CNTNAP2: variants seen among roughly 807,000 people sequenced by gnomAD.
CNTNAP2 encodes contactin associated protein 2.
CNTNAP2 carries 98 observed loss-of-function variants against 155.2 expected under a neutral mutation model. That is an observed-to-expected ratio of 0.63 (90% CI 0.54 to 0.75). CNTNAP2 has a LOEUF of 0.75. CNTNAP2 is among the 30% of genes least tolerant of loss of function. CNTNAP2 has a pLI of 0.00. For synonymous variants in CNTNAP2, 651 were observed against 631.2 expected (o/e 1.03, Z -0.47); for missense variants, 1,727 against 1,688.1 (o/e 1.02, Z -0.40).
intron 1 of CNTNAP2, among the ~76,000 whole-genome samples, chr7:146,666,651 C>G (rs1800200406): frequency 6.6e-6 from 1 of 152,192 alleles, no homozygotes; most frequent in African/African-American, 2.4e-5. Flanking sequence ...CACATCCTTT[C>G]AAGCATTGGT....
At chr7:148,031,041 A>T (rs10952726) in intron 15 of CNTNAP2, among the ~76,000 whole-genome samples, 49,730 of 152,070 alleles carry the variant, frequency 0.33, 9,676 homozygotes, top group East Asian at 0.77. Context: ...AAAGACTGGA[A>T]AGTTTTCAAG....
At position 146,437,515 on chromosome 7, in the gene CNTNAP2, A is replaced by G. The variant is rs537671652; in HGVS notation, c.97+320542A>G. On this transcript the variant is annotated intron_variant, in intron 1 of 23. Transcript: ENST00000361727. ...GCATCTATTTACCATTCTCCCTCGC[A>G]TTCATACAAAAATATTATGGTTGAA... Among the ~76,000 whole-genome samples the G allele has an allele frequency of 2.6e-5, 4 of 151,616 alleles. No individual in the cohort carries two copies. In the South Asian group the frequency reaches 8.3e-4, roughly 31 times the overall value.
At position 146,138,574 on chromosome 7, in the gene CNTNAP2, C is replaced by T. The variant is rs193135306; in HGVS notation, c.97+21601C>T. 1.3e-3 allele frequency among the ~76,000 whole-genome samples: 201 copies of T among 152,134 alleles called. 1 individual carries two copies. The highest frequency in any genetic ancestry group is 1.9e-3 in the Non-Finnish European group (130 of 67,984). ...ATGGGTAAGAAATATAACCTTTGGA[C>T]GTGTAGACCTTGTAGTCCATTTCAG... On this transcript the variant is annotated intron_variant, in intron 1 of 23. Coordinates refer to ENST00000361727, the MANE Select transcript of CNTNAP2 (RefSeq NM_014141.6).
chr7:147,288,621 G>C (rs988642718), intron 8 of CNTNAP2, among the ~76,000 whole-genome samples: 1 of 152,180 alleles, frequency 6.6e-6, no homozygotes, highest in South Asian at 2.1e-4. Flanking sequence ...TCAAAGTAAC[G>C]AGAGTAGTTT....
chr7:147,548,558 C>T (rs563587340), intron 11 of CNTNAP2, among the ~76,000 whole-genome samples: 10 of 152,126 alleles, frequency 6.6e-5, no homozygotes, highest in South Asian at 2.1e-4. Flanking sequence ...CTGTAGGTTG[C>T]CTGTTCACTC....
intron 5 of CNTNAP2, among the ~76,000 whole-genome samples, chr7:147,112,635 T>C (rs1196537198): frequency 6.6e-6 from 1 of 152,134 alleles, no homozygotes; most frequent in African/African-American, 2.4e-5. Flanking sequence ...AATCATGTGG[T>C]TTTTGTCTTT....
rs191808114 is a variant in CNTNAP2 at position 146,897,941 on chromosome 7, A to T, written c.402+58037A>T. On this transcript the variant is annotated intron_variant, in intron 3 of 23. Transcript: ENST00000361727. ...TTTTAATTAAGGAATGTTTATATAT[A>T]TTTTTAATATCTAAAAACAATTCAG... is the stretch of plus-strand genomic sequence containing the variant. Among the ~76,000 whole-genome samples, 625 of 149,108 alleles carry T rather than the reference A, an allele frequency of 4.2e-3. 9 individuals are homozygous for T. Among genetic ancestry groups the T allele is most frequent in the African/African-American group, 0.015 (567 of 38,640 alleles).
rs370322970 is a variant in CNTNAP2 at position 146,665,377 on chromosome 7, A to C, written c.98-108894A>C. On this transcript the variant is annotated intron_variant, in intron 1 of 23. Transcript: ENST00000361727. ...TTTCACTTATTTTCTCTATTATTTT[A>C]ATCTGTTTTCAAGTTATAATTTCCC... Among the ~76,000 whole-genome samples, 347 of 152,288 alleles carry C rather than the reference A, an allele frequency of 2.3e-3. 3 individuals are homozygous for C. The highest frequency in any genetic ancestry group is 8.2e-3 in the African/African-American group (342 of 41,558).
chr7:146,959,464 A>C (rs1440726177), intron 3 of CNTNAP2, among the ~76,000 whole-genome samples: 1 of 152,050 alleles, frequency 6.6e-6, no homozygotes, highest in Non-Finnish European at 1.5e-5. Context: ...TCACATCTGT[A>C]ATCCCAGCAC....
intron 21 of CNTNAP2, among the ~76,000 whole-genome samples, chr7:148,331,738 T>A (rs1563046001): frequency 4.0e-5 from 6 of 150,684 alleles, no homozygotes; most frequent in African/African-American, 5.0e-5. Flanking sequence ...ATGGATGGAG[T>A]GGATGGATGG....
chr7:147,505,920 C>G (rs553451993), intron 11 of CNTNAP2, among the ~76,000 whole-genome samples: 2 of 151,818 alleles, frequency 1.3e-5, no homozygotes, highest in Non-Finnish European at 2.9e-5. Context: ...GATCTTGTAA[C>G]GAGAATGTGT....
rs374920045 is a variant in CNTNAP2, at chr7:147,645,343, C to T, written c.2098+6037C>T. ...AAGCTGCAGCATTTAACTCTTAAGA[C>T]GACATGGATAAATCAATTCCAATAA... is the stretch of plus-strand genomic sequence containing the variant. On this transcript the variant is annotated intron_variant, in intron 13 of 23. Coordinates refer to ENST00000361727, the MANE Select transcript of CNTNAP2 (RefSeq NM_014141.6). 1.1e-4 allele frequency among the ~76,000 whole-genome samples: 17 copies of T among 152,122 alleles called. 1 individual carries two copies. In the Middle Eastern group the frequency reaches 0.01, roughly 91 times the overall value.
At chr7:146,399,521 G>A (rs1347095568) in intron 1 of CNTNAP2, among the ~76,000 whole-genome samples, 3 of 152,134 alleles carry the variant, frequency 2.0e-5, no homozygotes, top group Non-Finnish European at 4.4e-5. Flanking sequence ...TTTTAAGTCT[G>A]AAGATTATTC....
intron 19 of CNTNAP2, among the ~76,000 whole-genome samples, chr7:148,220,999 C>T (rs1795739527): frequency 6.6e-6 from 1 of 152,268 alleles, no homozygotes; most frequent in East Asian, 1.9e-4. Flanking sequence ...CATTCCCACA[C>T]ATACTTTTAT....
Position 146,920,678 on chromosome 7 carries a change from G to A in CNTNAP2, c.402+80774G>A, listed in dbSNP as rs537035216. 5.9e-5 allele frequency among the ~76,000 whole-genome samples: 9 copies of A among 152,172 alleles called. No individual in the cohort carries two copies. In the East Asian group the frequency reaches 1.5e-3, roughly 26 times the overall value. ...TTAAAAATTGTAATAAAAATAAAAAGTATAGTTCTATACTTAAATTTTTTC... is the reference window on the plus strand; with the variant it reads ...TTAAAAATTGTAATAAAAATAAAAAATATAGTTCTATACTTAAATTTTTTC... On this transcript the variant is annotated intron_variant, in intron 3 of 23. Transcript: ENST00000361727.
intron 20 of CNTNAP2, among the ~76,000 whole-genome samples, chr7:148,240,661 A>G (rs1252194876): frequency 6.6e-6 from 1 of 152,174 alleles, no homozygotes; most frequent in African/African-American, 2.4e-5. Flanking sequence ...ATTAAGGAAT[A>G]TTGACTCACA....
intron 12 of CNTNAP2, among the ~76,000 whole-genome samples, chr7:147,571,616 G>A (rs933735571): frequency 6.6e-6 from 1 of 152,056 alleles, no homozygotes. Flanking sequence ...CGGTAACAAT[G>A]ATCGTAGTGT....
chr7:147,592,002 T>G (rs938646004), intron 12 of CNTNAP2, among the ~76,000 whole-genome samples: 1 of 152,176 alleles, frequency 6.6e-6, no homozygotes, highest in African/African-American at 2.4e-5. Context: ...ATACCATCAT[T>G]TTCACCATTG....
chr7:147,160,208 T>C (rs117140710), intron 8 of CNTNAP2, among the ~76,000 whole-genome samples: 2,415 of 152,208 alleles, frequency 0.016, 46 homozygotes, highest in Middle Eastern at 0.041. Flanking sequence ...TTTCAGTTGA[T>C]GTAAAAATAA....
Sources: allele counts gnomAD v4.1 joint callset (sites outside exome capture counted in the v4.1 genomes callset), GRCh38; gene constraint gnomAD v4.1.1; transcripts MANE v1.5; gene names NCBI Gene and HGNC (gene_info 2026-07-23, HGNC 2026-07-21).